Variants in RPS6KA2 observed in about 807,000 individuals in gnomAD.
RPS6KA2 encodes the protein ribosomal protein S6 kinase alpha-2.
In RPS6KA2, 42 loss-of-function variants were observed where a neutral mutation model predicts 91.8. The observed-to-expected ratio is 0.46, with a 90% CI of 0.36 to 0.59. RPS6KA2 has a LOEUF of 0.59. Ranked by LOEUF, RPS6KA2 falls within the 20% of genes least tolerant of loss-of-function variation. The probability of loss-of-function intolerance (pLI) is 0.00; values close to 1 mark genes in which losing one functional copy is unlikely to be tolerated. For missense variants in RPS6KA2, 798 were observed against 978.5 expected (o/e 0.82, Z 2.46); for synonymous variants, 414 against 393.6 (o/e 1.05, Z -0.61).
intron 1 of RPS6KA2, among the ~76,000 whole-genome samples, chr6:166,616,450 A>G (rs77489354): frequency 0.015 from 2,312 of 152,310 alleles, 31 homozygotes; most frequent in Middle Eastern, 0.031. Context: ...GCCTGAGGCC[A>G]TGTCAACCGA....
intron 10 of RPS6KA2, among the ~76,000 whole-genome samples, chr6:166,486,094 ACGACC>A (rs1398664307): frequency 6.6e-6 from 1 of 152,166 alleles, no homozygotes; most frequent in Non-Finnish European, 1.5e-5. Context: ...CTGGCTAACG[ACGACC>A]GTCACCACTG....
intron 2 of RPS6KA2, among the ~76,000 whole-genome samples, chr6:166,842,044 C>A (rs1040414653): frequency 5.9e-5 from 9 of 152,176 alleles, no homozygotes; most frequent in Non-Finnish European, 1.2e-4. Context: ...ACACCTCCAG[C>A]GGTAGTAGAA....
intron 1 of RPS6KA2, among the ~76,000 whole-genome samples, chr6:166,585,041 T>C (rs1360764761): frequency 6.6e-6 from 1 of 152,130 alleles, no homozygotes. Context: ...CTTGGTCATC[T>C]TTGCACCTCT....
At chr6:166,600,158 AC>A (rs1246746271) in intron 1 of RPS6KA2, among the ~76,000 whole-genome samples, 1 of 152,066 alleles carries the variant, frequency 6.6e-6, no homozygotes, top group East Asian at 1.9e-4. Flanking sequence ...CTATAGGTGC[AC>A]CACCACGCCT....
chr6:166,604,312 AC>A (rs1314334081), intron 1 of RPS6KA2, among the ~76,000 whole-genome samples: 1 of 152,160 alleles, frequency 6.6e-6, no homozygotes, highest in Non-Finnish European at 1.5e-5. Flanking sequence ...GGAATGTCTT[AC>A]TTTTTTTAAA....
At chr6:166,580,662 C>A (rs1159274021) in intron 1 of RPS6KA2, among the ~76,000 whole-genome samples, 4 of 144,650 alleles carry the variant, frequency 2.8e-5, no homozygotes, top group Admixed American at 2.7e-4. Context: ...CAGTCTACCC[C>A]ACCCCCAACC....
intron 2 of RPS6KA2, among the ~76,000 whole-genome samples, chr6:166,814,396 T>C (rs1478244007): frequency 6.6e-6 from 1 of 152,246 alleles, no homozygotes; most frequent in East Asian, 1.9e-4. Context: ...CTTGGTAATA[T>C]GTGCAAATAC....
intron 2 of RPS6KA2, among the ~76,000 whole-genome samples, chr6:166,714,847 C>T (rs1455317879): frequency 6.6e-6 from 1 of 152,226 alleles, no homozygotes; most frequent in Non-Finnish European, 1.5e-5. Context: ...GACACCAATA[C>T]CAGGTCCCAG....
chr6:166,520,104 T>C lies in RPS6KA2; in HGVS notation c.299-9747A>G, dbSNP rs1441560742. On this transcript the variant is annotated intron_variant, in intron 3 of 20. Coordinates refer to ENST00000265678, the MANE Select transcript of RPS6KA2 (RefSeq NM_021135.6). ...GCTCCCTGTTGAACTGGGACATGCA[T>C]GTTTTCCAGCCCTCGGACATCAGTG... 2.6e-5 allele frequency among the ~76,000 whole-genome samples: 4 copies of C among 152,208 alleles called. No homozygotes were observed. The South Asian group carries it at 6.2e-4, about 24-fold the overall frequency.
chr6:166,465,164 C>T (rs1583169735), intron 11 of RPS6KA2, among the ~76,000 whole-genome samples: 2 of 152,166 alleles, frequency 1.3e-5, no homozygotes, highest in Non-Finnish European at 1.5e-5. Flanking sequence ...TCTCATTCGT[C>T]ATTAAGGAGT....
At chr6:166,757,709 C>A in intron 2 of RPS6KA2, 2 of 403,162 alleles carry the variant, frequency 5.0e-6, no homozygotes, top group African/African-American at 2.1e-5. Context: ...ACCCCGCACA[C>A]CTCCTCTTCC....
At chr6:166,640,706 A>G (rs1460430453) in intron 2 of RPS6KA2, among the ~76,000 whole-genome samples, 2 of 152,126 alleles carry the variant, frequency 1.3e-5, no homozygotes, top group African/African-American at 4.8e-5. Flanking sequence ...AAAAATGAGG[A>G]TAAGGAGATA....
At position 166,533,961 on chromosome 6, in the gene RPS6KA2, G is replaced by A. The variant is rs1288762893; in HGVS notation, c.217-2648C>T. On this transcript the variant is annotated intron_variant, in intron 2 of 20. Coordinates refer to ENST00000265678, the MANE Select transcript of RPS6KA2 (RefSeq NM_021135.6). The surrounding 1 kb of genome is among the most constrained non-coding windows in gnomAD (Gnocchi z 4.0). Reference sequence around the variant, plus strand: ...ATTAGGGCTGGGTGCGGTGGCTCACGCCTGTAATCCCAGCACTTTGGGAGG... The same window carrying A: ...ATTAGGGCTGGGTGCGGTGGCTCACACCTGTAATCCCAGCACTTTGGGAGG... Among the ~76,000 whole-genome samples, 4 of 152,088 alleles carry A rather than the reference G, an allele frequency of 2.6e-5. No homozygotes were observed. Among genetic ancestry groups the A allele is most frequent in the East Asian group, 1.9e-4 (1 of 5,188 alleles).
intron 11 of RPS6KA2, among the ~76,000 whole-genome samples, chr6:166,467,270 T>C (rs1171449206): frequency 6.6e-6 from 1 of 151,568 alleles, no homozygotes; most frequent in African/African-American, 2.4e-5. Flanking sequence ...TCAGTAGGGA[T>C]TCATAAAGTG....
At chr6:166,531,149 A>G in intron 3 of RPS6KA2, 83 bp downstream of exon 3, 1 of 919,426 alleles carries the variant, frequency 1.1e-6, no homozygotes, top group South Asian at 1.3e-5. Flanking sequence ...TGAACATTAA[A>G]TGGAATGAAT....
At chr6:166,795,722 G>A (rs1313025903) in intron 2 of RPS6KA2, among the ~76,000 whole-genome samples, 1 of 152,240 alleles carries the variant, frequency 6.6e-6, no homozygotes, top group Admixed American at 6.5e-5. Context: ...GCTGTGGGCT[G>A]CTGCCCCAGC....
Position 166,852,679 on chromosome 6 carries a change from G to A in RPS6KA2, c.123+5521C>T, listed in dbSNP as rs542359159. ...CAAGCAGCAACGGCTCGGCAACTCC[G>A]GGAGCTGGGCATTGGAGGAGGCCAC... On this transcript the variant is annotated intron_variant, in intron 2 of 21. Transcript: ENST00000503859. The surrounding 1 kb of genome is among the most constrained non-coding windows in gnomAD (Gnocchi z 4.1). Among the ~76,000 whole-genome samples the A allele has an allele frequency of 3.2e-3, 483 of 152,168 alleles. 1 individual carries two copies. The highest frequency in any genetic ancestry group is 5.8e-3 in the Non-Finnish European group (397 of 67,990).
In RPS6KA2 at chr6:166,778,636, C is replaced by T. The variant is rs139245931; in HGVS notation, c.123+79564G>A. Among the ~76,000 whole-genome samples, 586 of 152,242 alleles carry T rather than the reference C, an allele frequency of 3.8e-3. 1 individual carries two copies. The highest frequency in any genetic ancestry group is 0.013 in the African/African-American group (542 of 41,530). The stretch of plus-strand genomic sequence containing the variant: ...TAAAAATTAGACGGTTGTGGTGGCA[C>T]GCGCCTATAGTCCCAGCTACTCGGG... On this transcript the variant is annotated intron_variant, in intron 2 of 21. Transcript: ENST00000503859.
At chr6:166,567,221 C>T (rs1784533564) in intron 1 of RPS6KA2, among the ~76,000 whole-genome samples, 2 of 152,156 alleles carry the variant, frequency 1.3e-5, no homozygotes, top group Non-Finnish European at 2.9e-5. Flanking sequence ...ATCGGATGTT[C>T]TTTCCTAAGT....
Sources: allele counts gnomAD v4.1 joint callset (sites outside exome capture counted in the v4.1 genomes callset), GRCh38; gene constraint gnomAD v4.1.1; non-coding constraint Gnocchi (gnomAD v3.1); transcripts MANE v1.5; gene names NCBI Gene and HGNC (gene_info 2026-07-23, HGNC 2026-07-21).